The following INTS4 variants were observed in gnomAD, a reference collection of about 807,000 sequenced individuals.
INTS4 encodes integrator complex subunit 4, also known as MSTP093.
INTS4 carries 70 observed loss-of-function variants against 119.5 expected under a neutral mutation model. The ratio of observed to expected loss-of-function variants is 0.59; its 90% confidence interval spans 0.48 to 0.71. The LOEUF (loss-of-function observed/expected upper bound fraction) is 0.71. Among genes scored for constraint, INTS4 ranks in the 30% least tolerant of loss-of-function variants. INTS4 has a pLI of 0.00. For missense variants in INTS4, 867 were observed against 1,173.2 expected (o/e 0.74, Z 3.81); for synonymous variants, 316 against 419.6 (o/e 0.75, Z 3.02).
chr11:77,886,145 A>C (rs1951995800), intron 21 of INTS4, among the ~76,000 whole-genome samples: 1 of 151,700 alleles, frequency 6.6e-6, no homozygotes, highest in Admixed American at 6.6e-5. Flanking sequence ...GTTTGAGGTC[A>C]CAGTGAGCTG....
intron 22 of INTS4, among the ~76,000 whole-genome samples, chr11:77,879,589 T>C (rs1358985563): frequency 6.6e-6 from 1 of 152,194 alleles, no homozygotes; most frequent in Non-Finnish European, 1.5e-5. Flanking sequence ...TAGGAAGTGG[T>C]TCGCCAAAAA....
In INTS4 at chr11:77,891,557, C is replaced by A. The variant is rs1245047865; in HGVS notation, c.2449-95G>T. The A allele has an allele frequency of 2.5e-5, 39 of 1,548,884 alleles. No individual in the cohort carries two copies. In the African/African-American group the frequency reaches 4.9e-4, roughly 19 times the overall value. Reference sequence around the variant, plus strand: ...TCTGTCTCCTTATCTAATGAGTGGGCATGTGGGAGCCACTCAGAGGAACAG... The same window carrying A: ...TCTGTCTCCTTATCTAATGAGTGGGAATGTGGGAGCCACTCAGAGGAACAG... On this transcript the variant is annotated intron_variant, in intron 20 of 22. Transcript: ENST00000534064.
At chr11:77,938,546 T>C in intron 10 of INTS4, 105 bp downstream of exon 10, 1 of 1,459,632 alleles carries the variant, frequency 6.9e-7, no homozygotes, top group Non-Finnish European at 9.1e-7. Context: ...TTCCCAGAGT[T>C]ACTGTGAGGA....
intron 1 of INTS4, among the ~76,000 whole-genome samples, chr11:77,992,320 G>T (rs1856726125): frequency 6.6e-6 from 1 of 152,012 alleles, no homozygotes; most frequent in African/African-American, 2.4e-5. Flanking sequence ...GAACCCAGGA[G>T]GCAGAAGTTG....
At chr11:77,940,988 C>CATTACAATATTGT (rs1269253274) in intron 9 of INTS4, among the ~76,000 whole-genome samples, 192 bp downstream of exon 9, 1 of 152,130 alleles carries the variant, frequency 6.6e-6, no homozygotes, top group Non-Finnish European at 1.5e-5. Flanking sequence ...CAAAGTATTT[C>CATTACAATATTGT]ATTACAATAA....
At chr11:77,948,654 C>CAAAAAAAAAAA (rs138277574) in intron 8 of INTS4, among the ~76,000 whole-genome samples, 1 of 91,344 alleles carries the variant, frequency 1.1e-5, no homozygotes, top group Non-Finnish European at 2.3e-5. Flanking sequence ...CTCAAAGAAA[C>CAAAAAAAAAAA]AAAAAAAAAA....
In INTS4 at chr11:77,914,695, A is replaced by C. The variant is rs569592311; in HGVS notation, c.1922+4126T>G. Reference sequence around the variant, plus strand: ...TTGTAGCATGAAAGCAACTATAGACAATACCTAAACAAATGAGCGTGGGTG... The same window carrying C: ...TTGTAGCATGAAAGCAACTATAGACCATACCTAAACAAATGAGCGTGGGTG... On this transcript the variant is annotated intron_variant, in intron 15 of 22. Transcript: ENST00000534064. Among the ~76,000 whole-genome samples the C allele has an allele frequency of 1.7e-4, 26 of 152,312 alleles. No homozygotes were observed. In the Middle Eastern group the frequency reaches 0.014, roughly 80 times the overall value.
chr11:77,975,871 G>C (rs1855929488), intron 4 of INTS4, among the ~76,000 whole-genome samples: 1 of 151,794 alleles, frequency 6.6e-6, no homozygotes, highest in Non-Finnish European at 1.5e-5. Context: ...CAGGAGAATT[G>C]CCTGAACCCG....
intron 4 of INTS4, among the ~76,000 whole-genome samples, chr11:77,968,602 T>A (rs1855588723): frequency 6.6e-6 from 1 of 152,218 alleles, no homozygotes; most frequent in Non-Finnish European, 1.5e-5. Flanking sequence ...GTGAATATAC[T>A]TAATGCCACT....
chr11:77,953,907 G>A (rs563239697), intron 8 of INTS4, among the ~76,000 whole-genome samples: 5 of 151,378 alleles, frequency 3.3e-5, no homozygotes, highest in South Asian at 2.1e-4. Context: ...TCTGCCTCCC[G>A]GGTTCAAGCG....
chr11:77,941,458 C>CTTTTTTTTTTTTTTT (rs35544689), intron 8 of INTS4, among the ~76,000 whole-genome samples: 1 of 138,456 alleles, frequency 7.2e-6, no homozygotes, highest in Non-Finnish European at 1.5e-5. Flanking sequence ...ACCTACTGTG[C>CTTTTTTTTTTTTTTT]TTTTTTTTTT....
intron 19 of INTS4, among the ~76,000 whole-genome samples, chr11:77,893,617 C>T (rs982882551): frequency 2.0e-5 from 3 of 151,650 alleles, no homozygotes; most frequent in South Asian, 2.1e-4. Flanking sequence ...AGGTCAGACA[C>T]GGCGGTGGCT....
chr11:77,987,557 C>A, intron 2 of INTS4: 1 of 426,328 alleles, frequency 2.3e-6, no homozygotes, highest in Non-Finnish European at 4.7e-6. Context: ...AGATCGAAAA[C>A]TTCTTGAGAA....
chr11:77,878,943 T>G lies in INTS4; in HGVS notation c.*6A>C, dbSNP rs747706522. ...CTAGGCCACGGTTGGGAAGACTGTT[T>G]TTGCCTTAGCGCCGTGCAGGTTTGG... On this transcript the variant is annotated 3_prime_UTR_variant, in exon 23 of 23. Coordinates refer to ENST00000534064, the MANE Select transcript of INTS4 (RefSeq NM_033547.4). 6.0e-5 allele frequency: 96 copies of G among 1,612,892 alleles called. No homozygotes were observed. Among genetic ancestry groups the G allele is most frequent in the Admixed American group, 2.0e-4 (12 of 60,002 alleles).
downstream of INTS4, chr11:77,876,998 C>A (rs1484655799): frequency 1.4e-6 from 1 of 703,276 alleles, no homozygotes; most frequent in Non-Finnish European, 2.6e-6. Context: ...GGCTGTGGTA[C>A]AATTCCACCT....
Position 77,884,079 on chromosome 11 carries a change from C to T in INTS4, c.2593-127G>A, listed in dbSNP as rs1020141639. On this transcript the variant is annotated intron_variant, in intron 21 of 22. Coordinates refer to ENST00000534064, the MANE Select transcript of INTS4 (RefSeq NM_033547.4). The stretch of plus-strand genomic sequence containing the variant: ...GACACCAACTTTACTAAGATTGAGC[C>T]TTGGGGGTAGGTCAACACTGTAGAC... 4.3e-6 allele frequency: 4 copies of T among 929,276 alleles called. No homozygotes were observed. In the Admixed American group the frequency reaches 9.2e-5, roughly 21 times the overall value. 57.6% of individuals were successfully genotyped at this position (929,276 alleles called of 1,614,324 possible). A position where few individuals can be genotyped will look rare whatever the true frequency, so the allele number is the denominator to read the frequency against.
intron 4 of INTS4, among the ~76,000 whole-genome samples, chr11:77,966,432 G>GCCA (rs1855506952): frequency 6.6e-6 from 1 of 152,152 alleles, no homozygotes; most frequent in Non-Finnish European, 1.5e-5. Context: ...ACAGTTTCAG[G>GCCA]TCGTATGTTT....
At chr11:77,986,161 T>C (rs1856449248) in intron 2 of INTS4, among the ~76,000 whole-genome samples, 1 of 152,204 alleles carries the variant, frequency 6.6e-6, no homozygotes, top group Non-Finnish European at 1.5e-5. Flanking sequence ...GAGTTAAATT[T>C]TGCTTTTAGA....
At chr11:77,989,702 C>G (rs1057197376) in intron 2 of INTS4, among the ~76,000 whole-genome samples, 114 of 138,672 alleles carry the variant, frequency 8.2e-4, no homozygotes, top group African/African-American at 2.9e-3. Context: ...TCAGCCTGTG[C>G]AACATAGCAA....
Sources: gnomAD v4.1 joint callset for allele counts (sites outside exome capture counted in the v4.1 genomes callset) on GRCh38, gnomAD v4.1.1 for gene constraint, MANE v1.5 for transcripts, NCBI Gene and HGNC (gene_info 2026-07-23, HGNC 2026-07-21) for gene names.